The following ZNF121 variants were observed in gnomAD, a reference collection of about 807,000 sequenced individuals.
ZNF121 encodes zinc finger protein 121, also known as zinc finger protein 121 (clone ZHC32).
A neutral mutation model predicts 2.4 loss-of-function variants in ZNF121; 1 was observed. The observed-to-expected ratio is 0.41, with a 90% CI of 0.15 to 1.94. The LOEUF is 1.94. Ranked by LOEUF, ZNF121 falls within the 30% of genes most tolerant of loss-of-function variation. The pLI is 0.30. For missense variants in ZNF121, 369 were observed against 466.3 expected (o/e 0.79, Z 1.92); for synonymous variants, 173 against 158.6 (o/e 1.09, Z -0.68).
chr19:9,581,658 G>A (rs1197223055), intron 1 of ZNF121, among the ~76,000 whole-genome samples: 1 of 152,030 alleles, frequency 6.6e-6, no homozygotes, highest in Non-Finnish European at 1.5e-5. Context: ...CTCTCCAAAA[G>A]TCAATATAAT....
rs1446299542 is a variant in ZNF121, at chr19:9,563,851, CTATT to C, written c.*2085_*2088del. 4 of 152,184 alleles carry C rather than the reference CTATT, an allele frequency of 2.6e-5. No homozygotes were observed. The highest frequency in any genetic ancestry group is 9.7e-5 in the African/African-American group (4 of 41,446). 9.4% of individuals were successfully genotyped at this position (152,184 alleles called of 1,614,324 possible). A position where few individuals can be genotyped will look rare whatever the true frequency, so the allele number is the denominator to read the frequency against. On this transcript the variant is annotated 3_prime_UTR_variant, in exon 4 of 4. Transcript: ENST00000320451. The stretch of plus-strand genomic sequence containing the variant: ...GCTACATCTACTCTTCCTGTGGTAT[CTATT>C]TACATCTATTTACAGCATGGTTTAC...
chr19:9,573,827 G>A (rs1269520961), intron 1 of ZNF121, among the ~76,000 whole-genome samples: 1 of 152,068 alleles, frequency 6.6e-6, no homozygotes, highest in Non-Finnish European at 1.5e-5. Context: ...CCACACACAG[G>A]CCAGAAGGGA....
intron 1 of ZNF121, among the ~76,000 whole-genome samples, chr19:9,577,699 T>A (rs904166017): frequency 6.6e-6 from 1 of 151,758 alleles, no homozygotes; most frequent in African/African-American, 2.4e-5. Flanking sequence ...AATCCTAAAA[T>A]GTATATGCAA....
At chr19:9,581,328 C>T (rs1264909543) in intron 1 of ZNF121, among the ~76,000 whole-genome samples, 1 of 152,082 alleles carries the variant, frequency 6.6e-6, no homozygotes, top group African/African-American at 2.4e-5. Flanking sequence ...TCCCTATTGG[C>T]CGGGGTCAGG....
At chr19:9,578,323 G>A (rs1394224710) in intron 1 of ZNF121, among the ~76,000 whole-genome samples, 2 of 152,028 alleles carry the variant, frequency 1.3e-5, no homozygotes, top group Non-Finnish European at 2.9e-5. Context: ...GAACCTGGGA[G>A]ACAGAGGTTG....
chr19:9,577,150 A>T (rs932689924), intron 1 of ZNF121, among the ~76,000 whole-genome samples: 13 of 152,208 alleles, frequency 8.5e-5, no homozygotes, highest in Non-Finnish European at 1.3e-4. Flanking sequence ...ACAGCAACAA[A>T]ACTACAGGCC....
At chr19:9,584,299 C>T (rs892825127) in intron 1 of ZNF121, 162 bp downstream of exon 1, 1 of 152,286 alleles carries the variant, frequency 6.6e-6, no homozygotes, top group African/African-American at 2.4e-5. Flanking sequence ...CTGGGACCCA[C>T]TGAGCCTGCG....
intron 1 of ZNF121, among the ~76,000 whole-genome samples, chr19:9,577,908 G>A (rs1262593931): frequency 6.6e-6 from 1 of 151,582 alleles, no homozygotes; most frequent in Non-Finnish European, 1.5e-5. Flanking sequence ...TTAGCCAGCT[G>A]TGGGCCGGGC....
chr19:9,564,607 T>A lies in ZNF121; in HGVS notation c.*1333A>T, dbSNP rs564242217. 1.3e-5 allele frequency: 2 copies of A among 152,152 alleles called. No homozygotes were observed. The highest frequency in any genetic ancestry group is 4.8e-5 in the African/African-American group (2 of 41,420). The allele number at this position is 152,152 out of a possible 1,614,324, so 9.4% of individuals were successfully genotyped here. ...TGAACAGATGAGAGGCTGCTTTGTA[T>A]AGATAAGCAAAGAAAGTGGTTTCCT... On this transcript the variant is annotated 3_prime_UTR_variant, in exon 4 of 4. Transcript: ENST00000320451.
At chr19:9,574,401 G>A (rs547962976) in intron 1 of ZNF121, among the ~76,000 whole-genome samples, 2 of 152,038 alleles carry the variant, frequency 1.3e-5, no homozygotes, top group South Asian at 4.1e-4. Context: ...TGATCTGCCC[G>A]CCTTGGCCTC....
Position 9,565,793 on chromosome 19 carries a change from T to C in ZNF121, c.*147A>G. On this transcript the variant is annotated 3_prime_UTR_variant, in exon 4 of 4. Coordinates refer to ENST00000320451, the MANE Select transcript of ZNF121 (RefSeq NM_001008727.5). ...GACACATAGAGTATGAGTTCTTTCATGTCTTCGAAGTGAATGGGGATAACT... is the reference window on the plus strand; with the variant it reads ...GACACATAGAGTATGAGTTCTTTCACGTCTTCGAAGTGAATGGGGATAACT... 1.8e-6 allele frequency: 1 copy of C among 556,804 alleles called. No homozygotes were observed. The highest frequency in any genetic ancestry group is 3.0e-6 in the Non-Finnish European group (1 of 329,846). 34.5% of individuals were successfully genotyped at this position (556,804 alleles called of 1,614,324 possible).
intron 1 of ZNF121, among the ~76,000 whole-genome samples, chr19:9,581,774 T>C (rs926274333): frequency 6.6e-6 from 1 of 152,200 alleles, no homozygotes; most frequent in South Asian, 2.1e-4. Flanking sequence ...GAGCATACGT[T>C]GAATCAATGC....
Position 9,561,825 on chromosome 19 carries a change from A to G in ZNF121, c.*4115T>C, listed in dbSNP as rs1013289359. The G allele has an allele frequency of 1.0e-4, 15 of 150,588 alleles. No homozygotes were observed. The highest frequency in any genetic ancestry group is 3.7e-4 in the African/African-American group (15 of 40,880). The allele number at this position is 150,588 out of a possible 1,614,324, so 9.3% of individuals were successfully genotyped here. On this transcript the variant is annotated 3_prime_UTR_variant, in exon 4 of 4. Transcript: ENST00000320451. Reference sequence around the variant, plus strand: ...CTTGAGCCCAGGAGGTCAAGGCTATAGTGAGGCATGATCATGCCACCGCAC... The same window carrying G: ...CTTGAGCCCAGGAGGTCAAGGCTATGGTGAGGCATGATCATGCCACCGCAC...
At chr19:9,573,476 G>T (rs2074188223) in intron 1 of ZNF121, among the ~76,000 whole-genome samples, 1 of 152,156 alleles carries the variant, frequency 6.6e-6, no homozygotes, top group African/African-American at 2.4e-5. Flanking sequence ...GAATGAAAAG[G>T]AACTAAGATT....
intron 3 of ZNF121, among the ~76,000 whole-genome samples, chr19:9,567,413 T>C (rs958890480): frequency 4.6e-5 from 7 of 152,138 alleles, no homozygotes; most frequent in Non-Finnish European, 1.0e-4. Flanking sequence ...AGTTTTAAGA[T>C]AGGATTAAGG....
At chr19:9,578,814 C>G (rs1406678389) in intron 1 of ZNF121, among the ~76,000 whole-genome samples, 1 of 152,062 alleles carries the variant, frequency 6.6e-6, no homozygotes, top group Non-Finnish European at 1.5e-5. Context: ...GCACAGGCAA[C>G]AGGAGCAAAA....
At chr19:9,570,068 T>C (rs1445045900) in intron 1 of ZNF121, among the ~76,000 whole-genome samples, 1 of 151,504 alleles carries the variant, frequency 6.6e-6, no homozygotes, top group Non-Finnish European at 1.5e-5. Context: ...TAGCAGGGCG[T>C]GGTGGCACGT....
Position 9,566,943 on chromosome 19 carries a change from G to C in ZNF121, c.170C>G (p.Ala57Gly), listed in dbSNP as rs552346869. 2.5e-6 allele frequency: 4 copies of C among 1,614,208 alleles called. No homozygotes were observed. The highest frequency in any genetic ancestry group is 3.4e-6 in the Non-Finnish European group (4 of 1,180,038). ...NFPMLHNSAPAGETLSVLNQC... is the reference protein window; with the variant it reads ...NFPMLHNSAPGGETLSVLNQC... ...ATTCAACACAGAAAGTGTCTCTCCA[G>C]CAGGGGCACTGTTGTGTAACATGGG... The change falls in exon 4 of 4, where the codon GCT becomes GGT. Residue 57 changes from alanine to glycine, a missense_variant. Transcript: ENST00000320451.
intron 3 of ZNF121, 89 bp from the exon 4 acceptor site, chr19:9,567,198 T>C: frequency 7.9e-7 from 1 of 1,258,510 alleles, no homozygotes. Flanking sequence ...TTTATTATGA[T>C]TATAATTTTT....
Sources: gnomAD v4.1 joint callset for allele counts (sites outside exome capture counted in the v4.1 genomes callset) on GRCh38, gnomAD v4.1.1 for gene constraint, MANE v1.5 for transcripts, NCBI Gene and HGNC (gene_info 2026-07-23, HGNC 2026-07-21) for gene names.